The following PDXDC1 variants were observed in gnomAD, a reference collection of about 807,000 sequenced individuals.
PDXDC1 encodes pyridoxal-dependent decarboxylase domain-containing protein 1.
A neutral mutation model predicts 100.1 loss-of-function variants in PDXDC1; 42 were observed. The observed-to-expected ratio is 0.42, with a 90% confidence interval of 0.33 to 0.54. The LOEUF (loss-of-function observed/expected upper bound fraction) is 0.54. PDXDC1 is among the 20% of genes least tolerant of loss of function. The probability of loss-of-function intolerance (pLI) is 0.10; values close to 1 mark genes in which losing one functional copy is unlikely to be tolerated. For missense variants in PDXDC1, 636 were observed against 979.2 expected (o/e 0.65, Z 4.68); for synonymous variants, 260 against 371.7 (o/e 0.70, Z 3.46).
At chr16:15,071,247 A>G in intron 16 of PDXDC1, 3 of 1,607,428 alleles carry the variant, frequency 1.9e-6, no homozygotes, top group Non-Finnish European at 2.5e-6. Flanking sequence ...TGCCTCTGCG[A>G]ATCCCTATAA....
chr16:15,082,376 T>A (rs1306617109), intron 16 of PDXDC1, among the ~76,000 whole-genome samples: 1 of 152,120 alleles, frequency 6.6e-6, no homozygotes, highest in African/African-American at 2.4e-5. Flanking sequence ...CATTTTCAGG[T>A]ACTAACTCAA....
chr16:15,015,773 G>A, intron 8 of PDXDC1: 2 of 393,018 alleles, frequency 5.1e-6, no homozygotes. Context: ...ATATATAAAG[G>A]AAAGCTAAAG....
intron 1 of PDXDC1, among the ~76,000 whole-genome samples, chr16:14,996,595 C>T (rs1261365486): frequency 3.9e-5 from 6 of 152,262 alleles, no homozygotes; most frequent in Admixed American, 1.3e-4. Context: ...GCAAAAAGTT[C>T]GGGCACAGTG....
In PDXDC1 at chr16:15,036,008, T is replaced by A; in HGVS notation, c.2108-8T>A. The A allele has an allele frequency of 6.2e-7, 1 of 1,607,298 alleles. No homozygotes were observed. The highest frequency in any genetic ancestry group is 8.5e-7 in the Non-Finnish European group (1 of 1,176,456). On this transcript the variant is annotated splice_region_variant and splice_polypyrimidine_tract_variant and intron_variant, in intron 22 of 22. Transcript: ENST00000396410. ...AGTTTCAGCGCAGTCTGTCTGCCCT[T>A]TCTGTAGGCCAGAAGCCTTTTAAAA...
intron 1 of PDXDC1, among the ~76,000 whole-genome samples, chr16:14,993,953 G>A (rs1170081584): frequency 6.6e-6 from 1 of 152,298 alleles, no homozygotes; most frequent in Non-Finnish European, 1.5e-5. Flanking sequence ...TTTGAGAAGT[G>A]TCTGTTCATA....
chr16:15,037,789 T>C lies in PDXDC1; in HGVS notation c.*1514T>C, dbSNP rs1258662631. On this transcript the variant is annotated 3_prime_UTR_variant, in exon 23 of 23. Transcript: ENST00000396410. ...GAGGTAGGTTCTCCTCTGCCCGTTA[T>C]TACCGACCAAAAAAAAAACTGGACA... is the stretch of plus-strand genomic sequence containing the variant. 2.4e-6 allele frequency: 1 copy of C among 408,668 alleles called. No individual in the cohort carries two copies. The highest frequency in any genetic ancestry group is 4.3e-6 in the Non-Finnish European group (1 of 233,604). The allele number at this position is 408,668 out of a possible 1,614,324, so 25.3% of individuals were successfully genotyped here. A position where few individuals can be genotyped will look rare whatever the true frequency, so the allele number is the denominator to read the frequency against.
chr16:15,024,838 C>T (rs1474460648), intron 13 of PDXDC1, among the ~76,000 whole-genome samples: 2 of 152,304 alleles, frequency 1.3e-5, no homozygotes, highest in Non-Finnish European at 2.9e-5. Flanking sequence ...TCACTCCATC[C>T]CCCTGGGTCG....
At chr16:15,094,509 G>C (rs2046281670) in intron 16 of PDXDC1, 2 of 532,440 alleles carry the variant, frequency 3.8e-6, no homozygotes, top group Admixed American at 7.6e-5. Flanking sequence ...AGAAAGGGTG[G>C]AAACACCCTG....
chr16:15,085,678 C>A (rs2045889277), intron 16 of PDXDC1: 1 of 1,613,570 alleles, frequency 6.2e-7, no homozygotes, highest in Non-Finnish European at 8.5e-7. Context: ...TCTACATCGC[C>A]TTCCTTAATG....
At chr16:15,084,775 A>G (rs2045850793) in intron 16 of PDXDC1, 3 of 1,109,526 alleles carry the variant, frequency 2.7e-6, no homozygotes, top group Non-Finnish European at 4.1e-6. Flanking sequence ...GAAGCTAAAA[A>G]TAAATGCTGG....
Position 15,001,837 on chromosome 16 carries a change from G to A in PDXDC1, c.223G>A (p.Glu75Lys), listed in dbSNP as rs1486540460. 4.4e-6 allele frequency: 7 copies of A among 1,609,188 alleles called. No homozygotes were observed. The East Asian group carries it at 1.6e-4, about 36-fold the overall frequency. The change falls in exon 4 of 23, where the codon GAG becomes AAG. Residue 75 changes from glutamate (E) to lysine (K), a missense_variant. Coordinates refer to ENST00000396410, the MANE Select transcript of PDXDC1 (RefSeq NM_015027.4). ...VQNLMHGDED[E>K]EPQSPRIQNI... ...GAATCTCATGCATGGAGATGAAGAT[G>A]AGGAGCCCCAGAGCCCCAGGTAATG...
chr16:15,094,613 C>G lies in PDXDC1; in HGVS notation c.1400-44266C>G, dbSNP rs2046285918. On this transcript the variant is annotated intron_variant, in intron 16 of 16. Transcript: ENST00000535621. ...ATCGAAGAAACTGAAGCACTTGTGA[C>G]TGACCCAGATCTTCACGGAGGAAAG... The G allele has an allele frequency of 1.3e-5, 4 of 304,490 alleles. No homozygotes were observed. In the South Asian group the frequency reaches 1.4e-4, roughly 10 times the overall value. 18.9% of individuals were successfully genotyped at this position (304,490 alleles called of 1,614,324 possible).
At chr16:15,015,323 A>G (rs1272692041) in intron 8 of PDXDC1, among the ~76,000 whole-genome samples, 1 of 152,300 alleles carries the variant, frequency 6.6e-6, no homozygotes, top group East Asian at 1.9e-4. Flanking sequence ...GGAAAAGTTT[A>G]TCTTGGACAA....
chr16:15,109,044 C>T (rs957061483), intron 16 of PDXDC1: 1 of 119,686 alleles, frequency 8.4e-6, no homozygotes, highest in African/African-American at 2.8e-5. Flanking sequence ...TGGAGGACCC[C>T]TGACCATCCC....
intron 18 of PDXDC1, 100 bp downstream of exon 18, chr16:15,033,079 G>T (rs898484516): frequency 2.0e-6 from 2 of 988,488 alleles, no homozygotes; most frequent in South Asian, 1.4e-5. Flanking sequence ...AGCGCCTCTC[G>T]GGCTGGGTTC....
intron 16 of PDXDC1, among the ~76,000 whole-genome samples, chr16:15,132,333 AG>A (rs1567312070): frequency 4.5e-5 from 1 of 22,374 alleles, no homozygotes; most frequent in Non-Finnish European, 9.5e-5. Flanking sequence ...AGGGGAGGGG[AG>A]GGGGCAGGGG....
intron 16 of PDXDC1, chr16:15,074,866 G>A (rs371464919): frequency 1.9e-6 from 3 of 1,602,236 alleles, no homozygotes; most frequent in African/African-American, 2.7e-5. Flanking sequence ...TTCATCCTTT[G>A]AAGACAAAAA....
At chr16:15,111,348 C>T (rs1423551338) in intron 16 of PDXDC1, among the ~76,000 whole-genome samples, 4 of 144,816 alleles carry the variant, frequency 2.8e-5, no homozygotes, top group Non-Finnish European at 4.6e-5. Flanking sequence ...CCCAGCTAGT[C>T]GGGAGGCTGA....
chr16:15,008,357 AG>A (rs2040961779), intron 6 of PDXDC1, among the ~76,000 whole-genome samples: 2 of 152,268 alleles, frequency 1.3e-5, no homozygotes, highest in South Asian at 4.1e-4. Flanking sequence ...ATTACTTTTT[AG>A]GGGTGGGTGA....
Sources: gnomAD v4.1 joint callset for allele counts (sites outside exome capture counted in the v4.1 genomes callset) on GRCh38, gnomAD v4.1.1 for gene constraint, MANE v1.5 for transcripts, NCBI Gene and HGNC (gene_info 2026-07-23, HGNC 2026-07-21) for gene names.